SOX6: variants seen among roughly 807,000 people sequenced by gnomAD.
The protein encoded by SOX6 is transcription factor SOX-6.
SOX6 carries 11 observed loss-of-function variants against 97.8 expected under a neutral mutation model. The observed-to-expected ratio is 0.11, with a 90% confidence interval of 0.07 to 0.19. The LOEUF is 0.19. SOX6 is among the 10% of genes least tolerant of loss of function. The pLI, the probability that SOX6 is intolerant of heterozygous loss-of-function variation, is 1.00. For missense variants in SOX6, 810 were observed against 1,039.5 expected (o/e 0.78, Z 3.04); for synonymous variants, 360 against 371.4 (o/e 0.97, Z 0.35).
intron 3 of SOX6, among the ~76,000 whole-genome samples, chr11:16,680,734 C>A (rs1847920820): frequency 6.6e-6 from 1 of 152,050 alleles, no homozygotes; most frequent in African/African-American, 2.4e-5. Flanking sequence ...CAGAGACACA[C>A]ATAGGATCAA....
intron 3 of SOX6, among the ~76,000 whole-genome samples, chr11:16,624,543 T>G (rs566469364): frequency 1.3e-5 from 2 of 152,198 alleles, no homozygotes; most frequent in Non-Finnish European, 2.9e-5. Flanking sequence ...CCTGCATTGA[T>G]GAACATTTGA....
chr11:16,362,501 C>T (rs968190206), intron 1 of SOX6, among the ~76,000 whole-genome samples: 7 of 151,440 alleles, frequency 4.6e-5, no homozygotes, highest in South Asian at 4.2e-4. Flanking sequence ...AAGGAAAGCC[C>T]GAAAAAACCT....
At chr11:16,161,307 A>G (rs1367782944) in intron 6 of SOX6, among the ~76,000 whole-genome samples, 1 of 149,960 alleles carries the variant, frequency 6.7e-6, no homozygotes, top group Non-Finnish European at 1.5e-5. Context: ...AGATTTGACA[A>G]TGAATTTGAT....
At chr11:16,385,427 T>C (rs1857954505) in intron 1 of SOX6, among the ~76,000 whole-genome samples, 1 of 152,142 alleles carries the variant, frequency 6.6e-6, no homozygotes, top group Non-Finnish European at 1.5e-5. Context: ...AAATCATGCC[T>C]GTAAAATGTT....
intron 1 of SOX6, among the ~76,000 whole-genome samples, chr11:16,448,858 C>A (rs1373209565): frequency 6.6e-6 from 1 of 152,048 alleles, no homozygotes; most frequent in Non-Finnish European, 1.5e-5. Context: ...ATAGTAAGAT[C>A]CTGTCTTTAC....
intron 12 of SOX6, among the ~76,000 whole-genome samples, chr11:16,039,165 T>C (rs1855592319): frequency 1.3e-5 from 2 of 152,124 alleles, no homozygotes; most frequent in Admixed American, 1.3e-4. Flanking sequence ...ATCCTTAATT[T>C]TTATTTCCCA....
intron 15 of SOX6, among the ~76,000 whole-genome samples, chr11:15,976,124 G>T (rs1242643525): frequency 6.6e-6 from 1 of 152,144 alleles, no homozygotes; most frequent in Non-Finnish European, 1.5e-5. Context: ...AGGGAGTCCA[G>T]CTCTGGTAAG....
chr11:16,539,097 G>A (rs1861359684), intron 4 of SOX6, among the ~76,000 whole-genome samples: 1 of 152,094 alleles, frequency 6.6e-6, no homozygotes, highest in African/African-American at 2.4e-5. Context: ...CAGCAAATGT[G>A]AAAGAACAGA....
chr11:16,638,985 G>A (rs1848844796), intron 3 of SOX6, among the ~76,000 whole-genome samples: 1 of 152,172 alleles, frequency 6.6e-6, no homozygotes, highest in Non-Finnish European at 1.5e-5. Flanking sequence ...TAGACATGAA[G>A]TCCTTGCCCA....
intron 1 of SOX6, among the ~76,000 whole-genome samples, chr11:16,467,087 G>T (rs1860054056): frequency 6.6e-6 from 1 of 151,982 alleles, no homozygotes; most frequent in South Asian, 2.1e-4. Context: ...AAAACAATAG[G>T]ATACCATCTT....
Position 16,205,331 on chromosome 11 carries a change from C to A in SOX6, c.536-18376G>T, listed in dbSNP as rs568277005. Among the ~76,000 whole-genome samples, 17 of 152,072 alleles carry A rather than the reference C, an allele frequency of 1.1e-4. No individual in the cohort carries two copies. In the East Asian group the frequency reaches 2.5e-3, roughly 23 times the overall value. ...ATATGGGCTTTGAAAGACTTCAATGCCCATCACTGATCAAATTTAACCACT... is the reference window on the plus strand; with the variant it reads ...ATATGGGCTTTGAAAGACTTCAATGACCATCACTGATCAAATTTAACCACT... On this transcript the variant is annotated intron_variant, in intron 4 of 15. Transcript: ENST00000683767.
chr11:16,631,064 G>A lies in SOX6; in HGVS notation n.430-18804C>T, dbSNP rs72861256. Among the ~76,000 whole-genome samples the A allele has an allele frequency of 5.9e-3, 892 of 151,450 alleles. 8 individuals carry two copies. Among genetic ancestry groups the A allele is most frequent in the Non-Finnish European group, 9.4e-3 (638 of 67,974 alleles). The stretch of plus-strand genomic sequence containing the variant: ...CTTTCCACTCTGTGCCTTTTAAGTG[G>A]GGGGTTTAAAGTATTTACATTCAAG... On this transcript the variant is annotated intron_variant and non_coding_transcript_variant, in intron 3 of 5. Coordinates refer to the SOX6 transcript ENST00000524520.
At chr11:16,157,955 A>T (rs972470784) in intron 6 of SOX6, among the ~76,000 whole-genome samples, 2 of 152,000 alleles carry the variant, frequency 1.3e-5, no homozygotes, top group African/African-American at 2.4e-5. Context: ...CTTCCTCTGC[A>T]CTTCTATGGC....
intron 1 of SOX6, among the ~76,000 whole-genome samples, chr11:16,447,879 A>G (rs1347655867): frequency 3.3e-5 from 5 of 152,352 alleles, no homozygotes; most frequent in African/African-American, 1.2e-4. Flanking sequence ...TATTCACTTC[A>G]GTCTTACATC....
At chr11:16,452,016 T>TA (rs1353040642) in intron 1 of SOX6, among the ~76,000 whole-genome samples, 1 of 66,404 alleles carries the variant, frequency 1.5e-5, no homozygotes, top group African/African-American at 8.9e-5. Flanking sequence ...ATAAATAAAA[T>TA]AAAATTTTAA....
At chr11:16,258,915 C>T (rs1038935277) in intron 3 of SOX6, among the ~76,000 whole-genome samples, 1 of 151,522 alleles carries the variant, frequency 6.6e-6, no homozygotes. Flanking sequence ...TATACACACA[C>T]ATACATATAT....
chr11:16,144,612 T>C (rs892217049), intron 6 of SOX6, among the ~76,000 whole-genome samples: 53 of 151,098 alleles, frequency 3.5e-4, no homozygotes, highest in African/African-American at 1.2e-3. Flanking sequence ...GCAAGACTAA[T>C]AAAGAAGAAA....
intron 4 of SOX6, among the ~76,000 whole-genome samples, chr11:16,522,249 A>C (rs1002826377): frequency 6.6e-6 from 1 of 152,224 alleles, no homozygotes; most frequent in Non-Finnish European, 1.5e-5. Context: ...GGTTACCCAC[A>C]AAGGGAAGCC....
At chr11:16,551,913 T>G (rs574877884) in intron 4 of SOX6, among the ~76,000 whole-genome samples, 1 of 152,206 alleles carries the variant, frequency 6.6e-6, no homozygotes, top group Non-Finnish European at 1.5e-5. Context: ...CCTGAAAAAT[T>G]TATTCAAAAA....
Sources: gnomAD v4.1 joint callset for allele counts (sites outside exome capture counted in the v4.1 genomes callset) on GRCh38, gnomAD v4.1.1 for gene constraint, MANE v1.5 for transcripts, NCBI Gene and HGNC (gene_info 2026-07-23, HGNC 2026-07-21) for gene names.